LMTK3: variants seen among roughly 807,000 people sequenced by gnomAD.
The protein encoded by LMTK3 is serine/threonine-protein kinase LMTK3.
A neutral mutation model predicts 116.7 loss-of-function variants in LMTK3; 27 were observed. The ratio of observed to expected loss-of-function variants is 0.23; its 90% CI spans 0.17 to 0.32. The LOEUF is 0.32. LMTK3 is among the 10% of genes least tolerant of loss of function. The pLI, the probability that LMTK3 is intolerant of heterozygous loss-of-function variation, is 1.00. For missense variants in LMTK3, 1,764 were observed against 2,068.5 expected (o/e 0.85, Z 2.86); for synonymous variants, 965 against 971.0 (o/e 0.99, Z 0.11).
chr19:48,499,375 G>A lies in LMTK3; in HGVS notation c.1694C>T (p.Pro565Leu), dbSNP rs1972415181. Reference sequence around the variant, plus strand: ...GGGGGCCTGGGGGGCCTGAGGGGCGGGCACTCCTGGGTCCAGGGGGTCCCA... The same window carrying A: ...GGGGGCCTGGGGGGCCTGAGGGGCGAGCACTCCTGGGTCCAGGGGGTCCCA... ...NDWDPLDPGVPAPQAPQAPSE... is the reference protein window; with the variant it reads ...NDWDPLDPGVLAPQAPQAPSE... Residue 565 changes from proline (P) to leucine (L), a missense_variant, in exon 11 of 15, where the codon CCC becomes CTC. Pro to Leu is a moderately conservative substitution (Grantham distance 98, BLOSUM62 -3). Coordinates refer to ENST00000600059, the MANE Select transcript of LMTK3 (RefSeq NM_001388485.1). The A allele has an allele frequency of 1.4e-6, 2 of 1,430,712 alleles. No homozygotes were observed. Among genetic ancestry groups the A allele is most frequent in the Non-Finnish European group, 1.8e-6 (2 of 1,088,526 alleles). The allele number at this position is 1,430,712 out of a possible 1,614,324, so 88.6% of individuals were successfully genotyped here. A position where few individuals can be genotyped will look rare whatever the true frequency, so the allele number is the denominator to read the frequency against.
Position 48,497,332 on chromosome 19 carries a change from C to A in LMTK3, c.3676+61G>T. On this transcript the variant is annotated intron_variant, in intron 11 of 14. Coordinates refer to ENST00000600059, the MANE Select transcript of LMTK3 (RefSeq NM_001388485.1). The surrounding 1 kb of genome is among the most constrained non-coding windows in gnomAD (Gnocchi z 5.7). ...ACCCGACATGTTTACCCACACTCAC[C>A]CTCCGCACGCCTCGGAAACAGCCGG... The A allele has an allele frequency of 7.1e-7, 1 of 1,406,506 alleles. No individual in the cohort carries two copies. Among genetic ancestry groups the A allele is most frequent in the African/African-American group, 1.5e-5 (1 of 67,040 alleles). 87.1% of individuals were successfully genotyped at this position (1,406,506 alleles called of 1,614,324 possible).
Position 48,501,042 on chromosome 19 carries a change from C to A in LMTK3, c.1105G>T (p.Val369Leu). 1.3e-6 allele frequency: 2 copies of A among 1,547,468 alleles called. No individual in the cohort carries two copies. Among genetic ancestry groups the A allele is most frequent in the Admixed American group, 2.0e-5 (1 of 48,962 alleles). Residue 369 changes from valine (V) to leucine (L), a missense_variant, in exon 10 of 15, where the codon GTG (valine) becomes TTG (leucine). Transcript: ENST00000600059. ...VLAFVVRQQHVKLARPRLKLP... is the reference protein window; with the variant it reads ...VLAFVVRQQHLKLARPRLKLP... ...TTGAGCCTCGGCCGGGCCAGCTTCA[C>A]ATGCTGCTGGCGGACCACGAAGGCG...
chr19:48,499,350 G>A lies in LMTK3; in HGVS notation c.1719C>T (p.Pro573=). 1 of 1,418,312 alleles carries A rather than the reference G, an allele frequency of 7.1e-7. No homozygotes were observed. Among genetic ancestry groups the A allele is most frequent in the Non-Finnish European group, 9.3e-7 (1 of 1,078,578 alleles). The allele number at this position is 1,418,312 out of a possible 1,614,324, so 87.9% of individuals were successfully genotyped here. ...CGGACACCAGCTGGGGGACCTCGGA[G>A]GGGGCCTGGGGGGCCTGAGGGGCGG... ...GVPAPQAPQA[P]SEVPQLVSET... Residue 573 remains proline (P), a synonymous_variant, in exon 11 of 15, where the codon CCC becomes CCT. Coordinates refer to ENST00000600059, the MANE Select transcript of LMTK3 (RefSeq NM_001388485.1).
chr19:48,497,638 T>G lies in LMTK3; in HGVS notation c.3431A>C (p.Gln1144Pro), dbSNP rs972769621. 12 of 1,300,504 alleles carry G rather than the reference T, an allele frequency of 9.2e-6. No individual in the cohort carries two copies. Among genetic ancestry groups the G allele is most frequent in the Non-Finnish European group, 1.2e-5 (12 of 1,025,816 alleles). The allele number at this position is 1,300,504 out of a possible 1,614,324, so 80.6% of individuals were successfully genotyped here. The part of the protein sequence containing the change: ...KAGWVDNTRP[Q>P]PPPPPLPPPP... ...CGGTGGCAGCGGTGGCGGCGGTGGC[T>G]GCGGCCTCGTGTTGTCTACCCATCC... The change falls in exon 11 of 15, where the codon CAG (glutamine) becomes CCG (proline). Residue 1144 changes from glutamine to proline, a missense_variant. By Grantham distance (76) the Gln-to-Pro change is moderately conservative. Coordinates refer to ENST00000600059, the MANE Select transcript of LMTK3 (RefSeq NM_001388485.1). This position sits in a 1 kb window ranked among gnomAD's most constrained non-coding sequence, Gnocchi z 5.7.
chr19:48,497,624 G>A lies in LMTK3; in HGVS notation c.3445C>T (p.Pro1149Ser). ...DNTRPQPPPP[P>S]LPPPPEAQPR... ...TGTGCCTCCGGTGGCGGTGGCAGCG[G>A]TGGCGGCGGTGGCTGCGGCCTCGTG... Residue 1149 changes from proline (P) to serine (S), a missense_variant, in exon 11 of 15, where the codon CCG becomes TCG. By Grantham distance (74) the Pro-to-Ser change is moderately conservative (BLOSUM62 -1). Transcript: ENST00000600059. This position sits in a 1 kb window ranked among gnomAD's most constrained non-coding sequence, Gnocchi z 5.7. 7.9e-7 allele frequency: 1 copy of A among 1,269,226 alleles called. No individual in the cohort carries two copies. Among genetic ancestry groups the A allele is most frequent in the Non-Finnish European group, 1.0e-6 (1 of 998,282 alleles). The allele number at this position is 1,269,226 out of a possible 1,614,324, so 78.6% of individuals were successfully genotyped here.
chr19:48,493,145 C>T (rs1207522306), intron 12 of LMTK3, among the ~76,000 whole-genome samples: 2 of 151,994 alleles, frequency 1.3e-5, no homozygotes, highest in African/African-American at 2.4e-5. Context: ...CCCTCAGGCC[C>T]GGATCCAGAC....
chr19:48,509,768 T>G (rs1972626815), intron 3 of LMTK3, among the ~76,000 whole-genome samples: 2 of 152,166 alleles, frequency 1.3e-5, no homozygotes, highest in African/African-American at 4.8e-5. Context: ...TCTGAGACTG[T>G]GCTCTATGGT....
intron 12 of LMTK3, among the ~76,000 whole-genome samples, chr19:48,493,265 T>C (rs2147533581): frequency 7.7e-6 from 1 of 130,602 alleles, no homozygotes; most frequent in African/African-American, 2.9e-5. Flanking sequence ...TCAGCCTTCG[T>C]CTAGGCCCCG....
At position 48,493,639 on chromosome 19, in the gene LMTK3, G is replaced by C. The variant is rs1011605429; in HGVS notation, c.4092+55C>G. On this transcript the variant is annotated intron_variant, in intron 12 of 14. Transcript: ENST00000600059. ...CCCGCCAGGCCCTTCCCGGCTCTAG[G>C]CTCCTGCTCCCTCCAGGCCGCGACC... is the stretch of plus-strand genomic sequence containing the variant. 4 of 1,513,760 alleles carry C rather than the reference G, an allele frequency of 2.6e-6. No homozygotes were observed. The African/African-American group carries it at 5.7e-5, about 22-fold the overall frequency. The allele number at this position is 1,513,760 out of a possible 1,614,324, so 93.8% of individuals were successfully genotyped here. A position where few individuals can be genotyped will look rare whatever the true frequency, so the allele number is the denominator to read the frequency against.
At position 48,503,641 on chromosome 19, in the gene LMTK3, C is replaced by T. The variant is rs571359732; in HGVS notation, c.558-645G>A. Among the ~76,000 whole-genome samples, 89 of 152,242 alleles carry T rather than the reference C, an allele frequency of 5.8e-4. 1 individual carries two copies. Among genetic ancestry groups the T allele is most frequent in the Admixed American group, 3.8e-3 (58 of 15,290 alleles). ...CACCTGCTTTTCACCACACACAGCC[C>T]TCTGTCGATCCCCAGCACCCCAGGA... On this transcript the variant is annotated intron_variant, in intron 5 of 14. Coordinates refer to ENST00000600059, the MANE Select transcript of LMTK3 (RefSeq NM_001388485.1).
chr19:48,513,526 G>T (rs147236597), upstream of LMTK3: 4,194 of 291,868 alleles, frequency 0.014, 56 homozygotes, highest in Middle Eastern at 0.03. This position sits in a 1 kb window ranked among gnomAD's most constrained non-coding sequence, Gnocchi z 5.6. Context: ...ACCCTCCAGC[G>T]CCCCGAGCTG....
In LMTK3 at chr19:48,498,851, C is replaced by A. The variant is rs1972396679; in HGVS notation, c.2218G>T (p.Ala740Ser). 2 of 1,224,408 alleles carry A rather than the reference C, an allele frequency of 1.6e-6. No homozygotes were observed. The highest frequency in any genetic ancestry group is 1.6e-5 in the African/African-American group (1 of 61,652). 75.8% of individuals were successfully genotyped at this position (1,224,408 alleles called of 1,614,324 possible). A position where few individuals can be genotyped will look rare whatever the true frequency, so the allele number is the denominator to read the frequency against. ...PEFLDPLMGA[A>S]APQYPGRGPP... ...CCCCGCCCGGGGTACTGGGGCGCCG[C>A]CGCCCCCATGAGGGGGTCCAGAAAC... The change falls in exon 11 of 15, where the codon GCG becomes TCG. Residue 740 changes from alanine to serine, a missense_variant. Ala to Ser is a moderately conservative substitution (Grantham distance 99). This residue lies in a region of LMTK3 where 1,028 missense variants were observed against 1,050.6 expected (regional missense o/e 0.98). Transcript: ENST00000600059.
chr19:48,486,129 G>A (rs1200165916), intron 14 of LMTK3, among the ~76,000 whole-genome samples: 23 of 135,870 alleles, frequency 1.7e-4, no homozygotes, highest in South Asian at 9.3e-4. Context: ...GCGCGATCTC[G>A]GCTCACTGCA....
At position 48,510,003 on chromosome 19, in the gene LMTK3, G is replaced by A. The variant is rs771340723; in HGVS notation, c.361+20C>T. 101 of 1,612,028 alleles carry A rather than the reference G, an allele frequency of 6.3e-5. No individual in the cohort carries two copies. The highest frequency in any genetic ancestry group is 8.2e-5 in the Non-Finnish European group (97 of 1,178,560). Reference sequence around the variant, plus strand: ...TTTCCCGGGACACCATGGGATGCTGGTCATGGCGTGGGGCAGTACCTGAGT... The same window carrying A: ...TTTCCCGGGACACCATGGGATGCTGATCATGGCGTGGGGCAGTACCTGAGT... On this transcript the variant is annotated intron_variant, in intron 3 of 14. Coordinates refer to ENST00000600059, the MANE Select transcript of LMTK3 (RefSeq NM_001388485.1).
chr19:48,502,644 G>C (rs983394772), intron 6 of LMTK3, 63 bp from the exon 7 acceptor site: 1 of 1,497,590 alleles, frequency 6.7e-7, no homozygotes, highest in Non-Finnish European at 8.9e-7. Context: ...AGTCGGCCCG[G>C]AGGCTGGAAT....
chr19:48,497,373 G>A lies in LMTK3; in HGVS notation c.3676+20C>T. Reference sequence around the variant, plus strand: ...AAACAGCCGGACCTCAGCCCTGACTGTGCCCCGCAGCCTCCTCACCTTTGA... The same window carrying A: ...AAACAGCCGGACCTCAGCCCTGACTATGCCCCGCAGCCTCCTCACCTTTGA... On this transcript the variant is annotated intron_variant, in intron 11 of 14. Transcript: ENST00000600059. The surrounding 1 kb of genome is among the most constrained non-coding windows in gnomAD (Gnocchi z 5.7). 6.9e-7 allele frequency: 1 copy of A among 1,454,564 alleles called. No individual in the cohort carries two copies. 90.1% of individuals were successfully genotyped at this position (1,454,564 alleles called of 1,614,324 possible).
intron 11 of LMTK3, among the ~76,000 whole-genome samples, chr19:48,495,199 A>G (rs758728400): frequency 3.1e-4 from 47 of 151,782 alleles, no homozygotes; most frequent in Non-Finnish European, 5.3e-4. Flanking sequence ...TAGTAGAGAC[A>G]GGGTTTCACC....
Position 48,510,084 on chromosome 19 carries a change from G to A in LMTK3, c.300C>T (p.Val100=), listed in dbSNP as rs1396427026. Residue 100 remains valine, a synonymous_variant, in exon 3 of 15, where the codon GTC becomes GTT. Coordinates refer to ENST00000600059, the MANE Select transcript of LMTK3 (RefSeq NM_001388485.1). ...AGACCTCAGCCAGCGGGAGAATGTA[G>A]ACATCAGGCAGCGACTGTGAGGAGG... The part of the protein sequence containing the change: ...ETSSSQSLPD[V]YILPLAEVSL... 1 of 1,613,970 alleles carries A rather than the reference G, an allele frequency of 6.2e-7. No individual in the cohort carries two copies. Among genetic ancestry groups the A allele is most frequent in the South Asian group, 1.1e-5 (1 of 91,082 alleles).
intron 14 of LMTK3, among the ~76,000 whole-genome samples, chr19:48,488,443 A>T (rs1469806872): frequency 6.6e-6 from 1 of 151,970 alleles, no homozygotes; most frequent in East Asian, 1.9e-4. Flanking sequence ...ACCCCAGAGC[A>T]GTCTTCCTAC....
Sources: gnomAD v4.1 joint callset for allele counts (sites outside exome capture counted in the v4.1 genomes callset) on GRCh38, gnomAD v4.1.1 for gene constraint, gnomAD v4.1.1 regional missense constraint, Gnocchi (gnomAD v3.1) non-coding constraint, MANE v1.5 for transcripts, NCBI Gene and HGNC (gene_info 2026-07-23, HGNC 2026-07-21) for gene names.